CFAP99: variants seen among roughly 807,000 people sequenced by gnomAD.
CFAP99 encodes cilia and flagella associated protein 99.
In CFAP99, 84 loss-of-function variants were observed where a neutral mutation model predicts 82.7. That is an observed-to-expected ratio of 1.02 (90% CI 0.85 to 1.22). The LOEUF is 1.22. CFAP99 is among the 50% of genes most tolerant of loss of function. The pLI is 0.00. For synonymous variants in CFAP99, 456 were observed against 429.5 expected, an observed-to-expected ratio of 1.06 and a Z score of -0.76; for missense variants, 1,059 against 983.5, an observed-to-expected ratio of 1.08 and a Z score of -1.03.
At chr4:2,422,117 T>C (rs937038440) in intron 1 of CFAP99, among the ~76,000 whole-genome samples, 1 of 152,212 alleles carries the variant, frequency 6.6e-6, no homozygotes, top group Non-Finnish European at 1.5e-5. Context: ...GGCGTCACAG[T>C]TGGATGAATT....
intron 8 of CFAP99, chr4:2,450,468 T>A (rs750384921): frequency 7.3e-6 from 2 of 274,008 alleles, no homozygotes; most frequent in Non-Finnish European, 1.4e-5. Context: ...ATATGGTGCA[T>A]GCCGCGGGGC....
intron 2 of CFAP99, 107 bp downstream of exon 2, chr4:2,426,693 A>G: frequency 1.4e-6 from 1 of 728,186 alleles, no homozygotes; most frequent in Non-Finnish European, 2.4e-6. Flanking sequence ...TTCCTTCCAC[A>G]TGGGGAGAAG....
intron 2 of CFAP99, among the ~76,000 whole-genome samples, chr4:2,432,431 A>G (rs562792148): frequency 6.6e-6 from 1 of 152,348 alleles, no homozygotes; most frequent in East Asian, 1.9e-4. Context: ...TCTTTCTGTT[A>G]AGTGAGAAGT....
At chr4:2,424,422 C>T (rs916181794) in intron 1 of CFAP99, among the ~76,000 whole-genome samples, 7 of 152,116 alleles carry the variant, frequency 4.6e-5, no homozygotes, top group Non-Finnish European at 7.4e-5. Flanking sequence ...CATTGCACTC[C>T]AGCCTGGGCA....
At chr4:2,419,823 A>G (rs1036942411) in intron 1 of CFAP99, among the ~76,000 whole-genome samples, 3 of 151,656 alleles carry the variant, frequency 2.0e-5, no homozygotes, top group Non-Finnish European at 4.4e-5. Context: ...TCCTCTTCCT[A>G]CCACCCAGTC....
chr4:2,426,521 G>C (rs555111882), exon 2 of CFAP99: 4 of 1,536,002 alleles, frequency 2.6e-6, no homozygotes, highest in Non-Finnish European at 3.5e-6. Flanking sequence ...CGAGCAACTC[G>C]ACAAATTTAC....
chr4:2,426,661 A>C, intron 2 of CFAP99, 75 bp downstream of exon 2: 1 of 931,270 alleles, frequency 1.1e-6, no homozygotes, highest in East Asian at 2.7e-5. Context: ...TAACAGCATC[A>C]AATGCCTTCC....
chr4:2,425,057 C>T (rs191507715), intron 1 of CFAP99, among the ~76,000 whole-genome samples: 4 of 152,326 alleles, frequency 2.6e-5, no homozygotes, highest in African/African-American at 9.6e-5. Context: ...GAGATTTCCT[C>T]AACTTTACCT....
Position 2,446,398 on chromosome 4 carries a change from ATTATTATTAT to A in CFAP99, c.642+1093_642+1102del, listed in dbSNP as rs1734166728. 6.9e-6 allele frequency among the ~76,000 whole-genome samples: 1 copy of A among 145,660 alleles called. No homozygotes were observed. The highest frequency in any genetic ancestry group is 2.6e-5 in the African/African-American group (1 of 37,866). On this transcript the variant is annotated intron_variant, in intron 6 of 14. Coordinates refer to ENST00000635017, the Ensembl canonical transcript of CFAP99. The surrounding 1 kb of genome is among the most constrained non-coding windows in gnomAD (Gnocchi z 5.0). ...TATTATTATTATTATTATTATTATT[ATTATTATTAT>A]TTGAGACAGAGTCTCGCTCTGTCAC...
At chr4:2,445,361 AG>A in intron 6 of CFAP99, 53 bp downstream of exon 6, 1 of 1,275,148 alleles carries the variant, frequency 7.8e-7, no homozygotes, top group East Asian at 3.1e-5. Flanking sequence ...AGGGTAGCCA[AG>A]CTGGGAGAGT....
chr4:2,458,089 C>G (rs1282652831), intron 11 of CFAP99, among the ~76,000 whole-genome samples: 2 of 152,218 alleles, frequency 1.3e-5, no homozygotes, highest in Non-Finnish European at 2.9e-5. Flanking sequence ...CACTCCCGGC[C>G]TGAGGCGCCC....
chr4:2,441,527 C>G (rs1734038381), intron 4 of CFAP99, among the ~76,000 whole-genome samples: 2 of 152,160 alleles, frequency 1.3e-5, no homozygotes, highest in Non-Finnish European at 2.9e-5. Context: ...CAGGGACTCC[C>G]TAGGAATTTG....
At chr4:2,449,176 C>G (rs924791465) in intron 6 of CFAP99, among the ~76,000 whole-genome samples, 1 of 152,124 alleles carries the variant, frequency 6.6e-6, no homozygotes, top group South Asian at 2.1e-4. Context: ...GCCATATTAT[C>G]GGAGCCTCCT....
Position 2,450,959 on chromosome 4 carries a change from C to T in CFAP99, c.808C>T (p.Gln270Ter), listed in dbSNP as rs1443923637. The change falls in exon 9 of 15, where the codon CAG (glutamine) becomes TAG (stop). Residue 270 changes from glutamine (Q) to a stop codon, truncating the protein, a stop_gained. Coordinates refer to ENST00000635017, the Ensembl canonical transcript of CFAP99. LOFTEE classifies it high-confidence loss of function. ...CTGACTCCTGCAGGGCTCCAAGCAGCAGCTGCGGCTTCAGTTCCCACCCCG... is the reference window on the plus strand; with the variant it reads ...CTGACTCCTGCAGGGCTCCAAGCAGTAGCTGCGGCTTCAGTTCCCACCCCG... The T allele has an allele frequency of 5.2e-6, 8 of 1,535,902 alleles. No individual in the cohort carries two copies. The African/African-American group carries it at 1.1e-4, about 21-fold the overall frequency.
chr4:2,458,109 C>T (rs963941261), intron 11 of CFAP99, among the ~76,000 whole-genome samples: 2 of 152,194 alleles, frequency 1.3e-5, no homozygotes, highest in African/African-American at 4.8e-5. Flanking sequence ...CAGCCGTCTC[C>T]CTGTGCCATG....
intron 1 of CFAP99, among the ~76,000 whole-genome samples, chr4:2,425,337 CA>C: frequency 6.6e-6 from 1 of 152,288 alleles, no homozygotes; most frequent in Admixed American, 6.5e-5. Flanking sequence ...GGGAGAGAGT[CA>C]GGGGGCAGGT....
chr4:2,456,251 T>G (rs1173803438), intron 11 of CFAP99, among the ~76,000 whole-genome samples: 1 of 152,152 alleles, frequency 6.6e-6, no homozygotes, highest in Non-Finnish European at 1.5e-5. Flanking sequence ...CAGGCTGGTC[T>G]CAAACTCCCA....
At chr4:2,441,105 C>A (rs1005595675) in intron 4 of CFAP99, among the ~76,000 whole-genome samples, 10 of 150,446 alleles carry the variant, frequency 6.6e-5, no homozygotes, top group Non-Finnish European at 1.5e-4. Flanking sequence ...ATTGTTGAGG[C>A]CGGGCACAAT....
rs1345749559 is a variant in CFAP99 at position 2,446,615 on chromosome 4, A to C, written c.642+1307A>C. 2.0e-5 allele frequency among the ~76,000 whole-genome samples: 3 copies of C among 152,080 alleles called. No homozygotes were observed. Among genetic ancestry groups the C allele is most frequent in the Non-Finnish European group, 4.4e-5 (3 of 68,006 alleles). ...GTCATGTTGGCCGGGCTGGTCCCTA[A>C]CTGACCTCAGGTGATCTGCCCACCT... On this transcript the variant is annotated intron_variant, in intron 6 of 14. Coordinates refer to ENST00000635017, the Ensembl canonical transcript of CFAP99. This position sits in a 1 kb window ranked among gnomAD's most constrained non-coding sequence, Gnocchi z 5.0.
Sources: gnomAD v4.1 joint callset for allele counts (sites outside exome capture counted in the v4.1 genomes callset) on GRCh38, gnomAD v4.1.1 for gene constraint, Gnocchi (gnomAD v3.1) non-coding constraint, MANE v1.5 for transcripts, NCBI Gene and HGNC (gene_info 2026-07-23, HGNC 2026-07-21) for gene names.